The following UGT1A9 variants were observed in gnomAD, a reference collection of about 807,000 sequenced individuals.
The protein encoded by UGT1A9 is UDP glucuronosyltransferase family 1 member A9, also known as UDP-glucuronosyltransferase 1A9.
UGT1A9 carries 35 observed loss-of-function variants against 45.0 expected under a neutral mutation model. That is an observed-to-expected ratio of 0.78 (90% CI 0.59 to 1.03). UGT1A9 has a LOEUF of 1.03. UGT1A9 is among the 50% of genes least tolerant of loss of function. The pLI, the probability that UGT1A9 is intolerant of heterozygous loss-of-function variation, is 0.00. For missense variants in UGT1A9, 687 were observed against 666.6 expected, an observed-to-expected ratio of 1.03 and a Z score of -0.34; for synonymous variants, 278 against 250.6, an observed-to-expected ratio of 1.11 and a Z score of -1.03.
intron 1 of UGT1A9, chr2:233,740,547 G>GA (rs1691417394): frequency 6.6e-6 from 1 of 151,824 alleles, no homozygotes; most frequent in Non-Finnish European, 1.5e-5. Flanking sequence ...ACTCCAGCCA[G>GA]AAAAAATGTC....
intron 1 of UGT1A9, chr2:233,693,776 G>A: frequency 6.2e-7 from 1 of 1,614,238 alleles, no homozygotes; most frequent in Non-Finnish European, 8.5e-7. Context: ...GTTAAGATAT[G>A]ACTTTGTGCT....
chr2:233,713,783 T>C (rs2012734), intron 1 of UGT1A9: 779,630 of 1,588,962 alleles, frequency 0.49, 199,785 homozygotes, highest in African/African-American at 0.75. Context: ...TTGTGATGGA[T>C]TACCCCAGGC....
Position 233,772,946 on chromosome 2 carries a change from G to A in UGT1A9, c.*387G>A. On this transcript the variant is annotated 3_prime_UTR_variant, in exon 5 of 5. Transcript: ENST00000354728. ...GTTTTAATCTTATCTTTTGGCTTCT[G>A]CAGATGGTTGCAATTGATCCTTAAC... The A allele has an allele frequency of 3.1e-6, 1 of 325,346 alleles. No homozygotes were observed. Among genetic ancestry groups the A allele is most frequent in the Non-Finnish European group, 5.8e-6 (1 of 173,426 alleles). The allele number at this position is 325,346 out of a possible 1,614,324, so 20.2% of individuals were successfully genotyped here.
rs76915905 is a variant in UGT1A9, at chr2:233,721,524, C to T, written c.856-45510C>T. The T allele has an allele frequency of 8.1e-3, 1,365 of 167,890 alleles. 11 individuals carry two copies. The highest frequency in any genetic ancestry group is 0.011 in the Non-Finnish European group (835 of 78,422). 10.4% of individuals were successfully genotyped at this position (167,890 alleles called of 1,614,324 possible). A position where few individuals can be genotyped will look rare whatever the true frequency, so the allele number is the denominator to read the frequency against. ...GCATTTATTTTATGCTGAATTTCTT[C>T]CAGAGCCATAGGTAAATTTTTTCTT... On this transcript the variant is annotated intron_variant, in intron 1 of 4. Coordinates refer to ENST00000354728, the MANE Select transcript of UGT1A9 (RefSeq NM_021027.3).
chr2:233,772,113 TA>T, intron 4 of UGT1A9, 148 bp from the exon 5 acceptor site: 2 of 1,529,488 alleles, frequency 1.3e-6, no homozygotes, highest in South Asian at 2.5e-5. Flanking sequence ...ACTCTGTATC[TA>T]AAAACAACAA....
chr2:233,734,931 C>T (rs921627257), intron 1 of UGT1A9, among the ~76,000 whole-genome samples: 9 of 152,162 alleles, frequency 5.9e-5, no homozygotes, highest in Non-Finnish European at 8.8e-5. Flanking sequence ...GCTTTACTTA[C>T]AATCATATGG....
intron 1 of UGT1A9, chr2:233,708,678 G>A (rs935708271): frequency 6.6e-6 from 1 of 152,188 alleles, no homozygotes; most frequent in African/African-American, 2.4e-5. Flanking sequence ...TTGAGCCCAG[G>A]AGTTCAAGGT....
intron 1 of UGT1A9, among the ~76,000 whole-genome samples, chr2:233,748,506 T>C (rs868820669): frequency 6.6e-5 from 10 of 151,912 alleles, no homozygotes; most frequent in African/African-American, 2.4e-4. Context: ...TTTTTAGTGG[T>C]CCTGTCTTGC....
intron 1 of UGT1A9, chr2:233,729,460 A>G: frequency 1.2e-6 from 2 of 1,614,116 alleles, no homozygotes; most frequent in Non-Finnish European, 1.7e-6. Flanking sequence ...GAAATTTTTC[A>G]GAAGTATGGC....
intron 1 of UGT1A9, chr2:233,719,812 CAG>C: frequency 6.3e-7 from 1 of 1,587,558 alleles, no homozygotes; most frequent in Non-Finnish European, 8.6e-7. Flanking sequence ...TTCTTTATAA[CAG>C]ATAAACTGTT....
chr2:233,690,751 G>C (rs1022399722), intron 1 of UGT1A9: 2 of 1,174,418 alleles, frequency 1.7e-6, no homozygotes, highest in Admixed American at 3.8e-5. Flanking sequence ...CTAGTGTCCA[G>C]TGCAGACATA....
At chr2:233,737,202 T>A (rs1346629064) in intron 1 of UGT1A9, among the ~76,000 whole-genome samples, 3 of 152,198 alleles carry the variant, frequency 2.0e-5, no homozygotes, top group Non-Finnish European at 4.4e-5. Flanking sequence ...TGAGCTGCGG[T>A]GGACTCTGTT....
At chr2:233,721,302 G>C (rs541150498) in intron 1 of UGT1A9, among the ~76,000 whole-genome samples, 2 of 152,116 alleles carry the variant, frequency 1.3e-5, no homozygotes, top group African/African-American at 4.8e-5. Context: ...CATTTGAATA[G>C]TGATTGTGGC....
At chr2:233,745,949 A>G (rs1225490168) in intron 1 of UGT1A9, among the ~76,000 whole-genome samples, 4 of 151,666 alleles carry the variant, frequency 2.6e-5, no homozygotes, top group East Asian at 3.9e-4. Context: ...GGGTTGGGCA[A>G]CTGGGGGACA....
intron 1 of UGT1A9, chr2:233,743,758 G>A (rs761738753): frequency 1.5e-6 from 2 of 1,367,328 alleles, no homozygotes; most frequent in South Asian, 2.3e-5. Context: ...ACAACACCTC[G>A]TAGGCCTCGG....
chr2:233,768,908 GA>G (rs1376378983), intron 4 of UGT1A9, among the ~76,000 whole-genome samples: 2 of 152,020 alleles, frequency 1.3e-5, no homozygotes, highest in African/African-American at 4.8e-5. Context: ...AGATAATTTA[GA>G]GGTTATTATT....
chr2:233,761,536 A>C (rs1039884807), intron 1 of UGT1A9, among the ~76,000 whole-genome samples: 1 of 152,248 alleles, frequency 6.6e-6, no homozygotes, highest in Non-Finnish European at 1.5e-5. Context: ...TGATGAAATC[A>C]TTCTTTGATG....
rs528717884 is a variant in UGT1A9, at chr2:233,673,447, A to G, written c.855+658A>G. On this transcript the variant is annotated intron_variant, in intron 1 of 4. Coordinates refer to ENST00000354728, the MANE Select transcript of UGT1A9 (RefSeq NM_021027.3). ...AATAGGGCCGTGTAAACACTCTTTA[A>G]TACTTTCCTTACATGAATATATTTC... is the stretch of plus-strand genomic sequence containing the variant. Among the ~76,000 whole-genome samples, 114 of 152,266 alleles carry G rather than the reference A, an allele frequency of 7.5e-4. 1 individual carries two copies. Among genetic ancestry groups the G allele is most frequent in the African/African-American group, 2.5e-3 (103 of 41,564 alleles).
intron 1 of UGT1A9, among the ~76,000 whole-genome samples, chr2:233,762,453 A>T (rs1302924421): frequency 6.6e-6 from 1 of 152,204 alleles, no homozygotes; most frequent in Non-Finnish European, 1.5e-5. Flanking sequence ...CTGCCCACTT[A>T]CCGATAATGT....
Sources: gnomAD v4.1 joint callset for allele counts (sites outside exome capture counted in the v4.1 genomes callset) on GRCh38, gnomAD v4.1.1 for gene constraint, MANE v1.5 for transcripts, NCBI Gene and HGNC (gene_info 2026-07-23, HGNC 2026-07-21) for gene names.